Variants in AKAP6 observed in about 807,000 individuals in gnomAD.
AKAP6 encodes the protein A-kinase anchor protein 6.
A neutral mutation model predicts 188.5 loss-of-function variants in AKAP6; 58 were observed. The observed-to-expected ratio is 0.31, with a 90% CI of 0.25 to 0.38. AKAP6 has a LOEUF of 0.38. AKAP6 is among the 10% of genes least tolerant of loss of function. The pLI, the probability that AKAP6 is intolerant of heterozygous loss-of-function variation, is 1.00. For synonymous variants in AKAP6, 989 were observed against 998.6 expected, an observed-to-expected ratio of 0.99 and a Z score of 0.18; for missense variants, 2,710 against 2,740.0, an observed-to-expected ratio of 0.99 and a Z score of 0.24.
chr14:32,496,855 T>C (rs758035880), intron 2 of AKAP6, among the ~76,000 whole-genome samples: 22 of 152,164 alleles, frequency 1.4e-4, no homozygotes, highest in Non-Finnish European at 2.4e-4. Context: ...ATGAACCAAA[T>C]ATATTCTTAT....
chr14:32,631,901 G>T (rs923334941), intron 7 of AKAP6, among the ~76,000 whole-genome samples: 8 of 152,040 alleles, frequency 5.3e-5, no homozygotes, highest in Non-Finnish European at 1.2e-4. Context: ...TAATACCAAA[G>T]AAGGCTTTTT....
At chr14:32,518,268 C>G (rs1215580222) in intron 2 of AKAP6, among the ~76,000 whole-genome samples, 1 of 152,134 alleles carries the variant, frequency 6.6e-6, no homozygotes, top group Non-Finnish European at 1.5e-5. Flanking sequence ...GCTGAAAATT[C>G]TAAAAATCAG....
Position 32,545,927 on chromosome 14 carries a change from C to T in AKAP6, c.1274C>T (p.Thr425Ile). 2 of 1,614,174 alleles carry T rather than the reference C, an allele frequency of 1.2e-6. No individual in the cohort carries two copies. The highest frequency in any genetic ancestry group is 1.7e-6 in the Non-Finnish European group (2 of 1,180,026). Residue 425 changes from threonine (T) to isoleucine (I), a missense_variant, in exon 4 of 14, where the codon ACC becomes ATC. Physicochemically the swap from Thr to Ile is moderately conservative, Grantham distance 89. Around this residue, in one of 2 missense-constraint regions of AKAP6, gnomAD observed 2,473 missense variants for 2,426.1 expected, o/e 1.02. Transcript: ENST00000280979. ...CTAAAGCCTGAGATGAGCAGAAGCA[C>T]CCCTTCGCTAGTAGATCCTCCTGAC... ...VDLKPEMSRS[T>I]PSLVDPPDRS...
chr14:32,598,618 G>T (rs530914006), intron 5 of AKAP6, among the ~76,000 whole-genome samples: 16 of 152,238 alleles, frequency 1.1e-4, no homozygotes, highest in African/African-American at 2.9e-4. Flanking sequence ...TGGTAGCCAA[G>T]GATAGAAATA....
At chr14:32,470,778 A>G (rs1056561324) in intron 2 of AKAP6, among the ~76,000 whole-genome samples, 1 of 152,150 alleles carries the variant, frequency 6.6e-6, no homozygotes, top group Admixed American at 6.5e-5. Context: ...TTAAAGCTTG[A>G]TTTTTCTTAA....
chr14:32,476,963 A>G (rs1441017306), intron 2 of AKAP6, among the ~76,000 whole-genome samples: 1 of 152,232 alleles, frequency 6.6e-6, no homozygotes, highest in African/African-American at 2.4e-5. Flanking sequence ...CTTACAAGTC[A>G]TAGATAGATT....
Position 32,819,904 on chromosome 14 carries a change from C to T in AKAP6, c.3589-1498C>T, listed in dbSNP as rs556077843. Among the ~76,000 whole-genome samples, 13 of 152,230 alleles carry T rather than the reference C, an allele frequency of 8.5e-5. No homozygotes were observed. In the South Asian group the frequency reaches 2.7e-3, roughly 32 times the overall value. ...TTGAGACTGCAGTGAGCTGTGATTA[C>T]ACTACTGCACTCCAGCCTGAGCGAC... On this transcript the variant is annotated intron_variant, in intron 12 of 13. Transcript: ENST00000280979.
At chr14:32,573,283 T>C in intron 4 of AKAP6, among the ~76,000 whole-genome samples, 1 of 152,212 alleles carries the variant, frequency 6.6e-6, no homozygotes, top group Non-Finnish European at 1.5e-5. Context: ...TAAAATGTAC[T>C]TTTCATGTAG....
chr14:32,751,770 T>C (rs2032149163), intron 11 of AKAP6, among the ~76,000 whole-genome samples: 1 of 152,208 alleles, frequency 6.6e-6, no homozygotes, highest in Non-Finnish European at 1.5e-5. Context: ...CCTAATTTTG[T>C]AATTCATTGT....
At chr14:32,567,904 T>C (rs1167660725) in intron 4 of AKAP6, among the ~76,000 whole-genome samples, 1 of 151,262 alleles carries the variant, frequency 6.6e-6, no homozygotes, top group Non-Finnish European at 1.5e-5. Flanking sequence ...GACTTTGAAC[T>C]GTAGAAAAAA....
chr14:32,596,553 A>G (rs1338390567), intron 5 of AKAP6, among the ~76,000 whole-genome samples: 1 of 152,156 alleles, frequency 6.6e-6, no homozygotes, highest in African/African-American at 2.4e-5. Flanking sequence ...AGATGCTAAA[A>G]AAGACCTGGT....
At chr14:32,726,957 G>A (rs1454089958) in intron 9 of AKAP6, among the ~76,000 whole-genome samples, 2 of 152,086 alleles carry the variant, frequency 1.3e-5, no homozygotes, top group Non-Finnish European at 2.9e-5. Flanking sequence ...GAATATGACT[G>A]TTTTTGGTAG....
At chr14:32,500,894 G>A (rs1880577385) in intron 2 of AKAP6, among the ~76,000 whole-genome samples, 1 of 152,002 alleles carries the variant, frequency 6.6e-6, no homozygotes, top group Admixed American at 6.6e-5. Context: ...CCTTAACTGG[G>A]GCAGGTATGT....
rs779254920 is a variant in AKAP6 at position 32,568,993 on chromosome 14, G to C, written c.2347-8127G>C. ...GGAGCAACTGAATTCAAAATCTCTA[G>C]ATTTGTTAGATGAATCCCTTTCCCA... is the stretch of plus-strand genomic sequence containing the variant. On this transcript the variant is annotated intron_variant, in intron 4 of 13. Transcript: ENST00000280979. This position sits in a 1 kb window ranked among gnomAD's most constrained non-coding sequence, Gnocchi z 6.2. Among the ~76,000 whole-genome samples, 1 of 152,124 alleles carries C rather than the reference G, an allele frequency of 6.6e-6. No individual in the cohort carries two copies. Among genetic ancestry groups the C allele is most frequent in the Non-Finnish European group, 1.5e-5 (1 of 68,014 alleles).
chr14:32,707,531 T>C (rs1307797253), intron 9 of AKAP6, among the ~76,000 whole-genome samples: 1 of 152,104 alleles, frequency 6.6e-6, no homozygotes. Flanking sequence ...AATTTGAGAA[T>C]GATTGATTAT....
Position 32,696,565 on chromosome 14 carries a change from T to G in AKAP6, c.3000+455T>G, listed in dbSNP as rs1890411935. ...TGCCAAAGTACAGGCCTCATCCAATTTAATGTTTATTAGTGATACATAGAG... is the reference window on the plus strand; with the variant it reads ...TGCCAAAGTACAGGCCTCATCCAATGTAATGTTTATTAGTGATACATAGAG... On this transcript the variant is annotated intron_variant, in intron 9 of 13. Coordinates refer to ENST00000280979, the MANE Select transcript of AKAP6 (RefSeq NM_004274.5). Among the ~76,000 whole-genome samples the G allele has an allele frequency of 2.6e-5, 4 of 152,174 alleles. No individual in the cohort carries two copies. The South Asian group carries it at 8.3e-4, about 32-fold the overall frequency.
intron 12 of AKAP6, among the ~76,000 whole-genome samples, chr14:32,794,627 T>A (rs1292199215): frequency 6.6e-6 from 1 of 152,100 alleles, no homozygotes; most frequent in Non-Finnish European, 1.5e-5. Context: ...CTTACCAGAA[T>A]CTCTGGGTTG....
chr14:32,475,969 C>A (rs1028181879), intron 2 of AKAP6, among the ~76,000 whole-genome samples: 3 of 152,056 alleles, frequency 2.0e-5, no homozygotes, highest in Admixed American at 6.6e-5. Context: ...AGGCGTGAGC[C>A]ACTGCGCCTG....
intron 5 of AKAP6, among the ~76,000 whole-genome samples, chr14:32,591,442 A>G (rs1885480141): frequency 6.7e-6 from 1 of 149,628 alleles, no homozygotes; most frequent in Non-Finnish European, 1.5e-5. Context: ...AAAGAATGTC[A>G]GCTTCAGTAA....
Sources: allele counts gnomAD v4.1 joint callset (sites outside exome capture counted in the v4.1 genomes callset), GRCh38; gene constraint gnomAD v4.1.1; regional missense constraint gnomAD v4.1.1; non-coding constraint Gnocchi (gnomAD v3.1); transcripts MANE v1.5; gene names NCBI Gene and HGNC (gene_info 2026-07-23, HGNC 2026-07-21).